Variants in TSBP1 observed in about 807,000 individuals in gnomAD.
TSBP1 encodes the protein testis expressed basic protein 1.
TSBP1 carries 56 observed loss-of-function variants against 68.8 expected under a neutral mutation model. That is an observed-to-expected ratio of 0.81 (90% CI 0.66 to 1.02). The LOEUF (loss-of-function observed/expected upper bound fraction) is 1.02. TSBP1 is among the 50% of genes least tolerant of loss of function. TSBP1 has a pLI of 0.00. For synonymous variants in TSBP1, 171 were observed against 208.7 expected (o/e 0.82, Z 1.56); for missense variants, 502 against 641.2 (o/e 0.78, Z 2.34).
intron 21 of TSBP1, 43 bp downstream of exon 24, chr6:32,300,637 T>G: frequency 6.3e-7 from 1 of 1,596,330 alleles, no homozygotes; most frequent in East Asian, 2.2e-5. Context: ...TTAAAGGTCC[T>G]AGGCACAGAA....
At chr6:32,299,428 T>A (rs1366902503) in intron 22 of TSBP1, among the ~76,000 whole-genome samples, 1 of 152,202 alleles carries the variant, frequency 6.6e-6, no homozygotes, top group Non-Finnish European at 1.5e-5. Context: ...TCAGAGGGAC[T>A]TCACCTATAA....
At position 32,359,878 on chromosome 6, in the gene TSBP1, AT is replaced by A. The variant is rs535519928; in HGVS notation, c.218-4210del. On this transcript the variant is annotated intron_variant, in intron 6 of 22. Transcript: ENST00000612031. ...TGAATTTCTCTTGACTACTCAGATTATTTTTTTCTTTTCTTTAGCTTTATTG... is the reference window on the plus strand; with the variant it reads ...TGAATTTCTCTTGACTACTCAGATTATTTTTTCTTTTCTTTAGCTTTATTG... Among the ~76,000 whole-genome samples the A allele has an allele frequency of 2.1e-3, 316 of 151,964 alleles. 2 individuals carry two copies. The highest frequency in any genetic ancestry group is 7.3e-3 in the African/African-American group (301 of 41,436).
chr6:32,327,225 G>T (rs1398500834), intron 16 of TSBP1, among the ~76,000 whole-genome samples: 3 of 152,240 alleles, frequency 2.0e-5, no homozygotes, highest in South Asian at 4.1e-4. Flanking sequence ...GAGAGGAAAA[G>T]TATGCCAGGC....
At chr6:32,312,726 T>G (rs1002873885) in intron 19 of TSBP1, among the ~76,000 whole-genome samples, 7 of 151,940 alleles carry the variant, frequency 4.6e-5, no homozygotes, top group Non-Finnish European at 8.8e-5. Flanking sequence ...TAACCCTTGG[T>G]GTCTTCTTTT....
intron 9 of TSBP1, among the ~76,000 whole-genome samples, chr6:32,341,225 C>T (rs114362906): frequency 0.039 from 5,949 of 152,200 alleles, 335 homozygotes; most frequent in African/African-American, 0.12. Context: ...TTACGATGTA[C>T]ATATCCTGCC....
intron 15 of TSBP1, among the ~76,000 whole-genome samples, 197 bp from the exon 17 acceptor site, chr6:32,330,806 G>T (rs1008814497): frequency 6.6e-6 from 1 of 151,604 alleles, no homozygotes; most frequent in East Asian, 1.9e-4. Context: ...GAGTAGCAGG[G>T]ATTACAGGTG....
At chr6:32,318,861 A>G (rs1190890874) in intron 18 of TSBP1, among the ~76,000 whole-genome samples, 1 of 152,222 alleles carries the variant, frequency 6.6e-6, no homozygotes, top group East Asian at 1.9e-4. Context: ...CCCAGTGAAT[A>G]TACTAAAAAG....
At position 32,365,306 on chromosome 6, in the gene TSBP1, C is replaced by T; in HGVS notation, c.217+861G>A. On this transcript the variant is annotated intron_variant, in intron 6 of 22. Coordinates refer to ENST00000612031, the Ensembl canonical transcript of TSBP1. This position sits in a 1 kb window ranked among gnomAD's most constrained non-coding sequence, Gnocchi z 4.3. ...TGCTCTGGAATTCTCAAGTTTGTGT[C>T]CTTTTTTCCAATCCCACAAAGTCAA... 2.2e-6 allele frequency: 1 copy of T among 456,992 alleles called. No homozygotes were observed. The highest frequency in any genetic ancestry group is 1.5e-5 in the South Asian group (1 of 64,562). The allele number at this position is 456,992 out of a possible 1,614,324, so 28.3% of individuals were successfully genotyped here.
At chr6:32,355,750 C>G in intron 6 of TSBP1, 81 bp from the exon 7 acceptor site, 1 of 1,479,680 alleles carries the variant, frequency 6.8e-7, no homozygotes, top group East Asian at 2.5e-5. Context: ...GAGGATTACC[C>G]AATCAACACC....
rs116486290 is a variant in TSBP1 at position 32,339,761 on chromosome 6, G to A, written c.350-123C>T. ...TGGTACAAACAGTCTTGAGGTTAAAGAGCTGAGTCCGACTTTTGCTATTCT... is the reference window on the plus strand; with the variant it reads ...TGGTACAAACAGTCTTGAGGTTAAAAAGCTGAGTCCGACTTTTGCTATTCT... On this transcript the variant is annotated intron_variant, in intron 9 of 22. Transcript: ENST00000612031. The A allele has an allele frequency of 9.6e-4, 489 of 510,814 alleles. 2 individuals carry two copies. The highest frequency in any genetic ancestry group is 7.8e-3 in the African/African-American group (412 of 52,562). 31.6% of individuals were successfully genotyped at this position (510,814 alleles called of 1,614,324 possible).
At chr6:32,301,958 AAATCATCATCATAATAAT>A (rs1300042767) in intron 20 of TSBP1, among the ~76,000 whole-genome samples, 1 of 127,376 alleles carries the variant, frequency 7.9e-6, no homozygotes, top group African/African-American at 3.3e-5. Context: ...TAAATAGTTG[AAATCATCATCATAATAAT>A]AATAATAATA....
At chr6:32,366,086 C>A (rs902364309) in intron 6 of TSBP1, 81 bp downstream of exon 6, 12 of 1,578,542 alleles carry the variant, frequency 7.6e-6, no homozygotes, top group Non-Finnish European at 1.0e-5. Flanking sequence ...AAATTTTGGT[C>A]AGTTTTTATA....
chr6:32,339,201 T>C (rs1264494460), intron 10 of TSBP1, among the ~76,000 whole-genome samples: 1 of 144,500 alleles, frequency 6.9e-6, no homozygotes, highest in Non-Finnish European at 1.5e-5. Context: ...TTCATTTTCA[T>C]TATCTTCCTG....
At chr6:32,322,601 G>T in intron 18 of TSBP1, 95 bp from the exon 20 acceptor site, 1 of 895,636 alleles carries the variant, frequency 1.1e-6, no homozygotes, top group South Asian at 1.4e-5. Flanking sequence ...GTGAGGGGAG[G>T]ACTTGGGTGG....
chr6:32,330,597 C>A (rs1161634251), exon 16 of TSBP1: 1 of 1,601,784 alleles, frequency 6.2e-7, no homozygotes, highest in South Asian at 1.1e-5. Context: ...ACCATTGGAT[C>A]CAGGATATTG....
rs1033895471 is a variant in TSBP1 at position 32,338,646 on chromosome 6, T to C, written c.409+333A>G. Among the ~76,000 whole-genome samples, 1 of 152,150 alleles carries C rather than the reference T, an allele frequency of 6.6e-6. No individual in the cohort carries two copies. ...ATGTCACTGAAATTTTCTTGGCGGG[T>C]CTTAAGTAGAATGGCCACCATCAAG... On this transcript the variant is annotated intron_variant, in intron 11 of 22. Transcript: ENST00000612031. This position sits in a 1 kb window ranked among gnomAD's most constrained non-coding sequence, Gnocchi z 5.5.
chr6:32,338,870 G>T lies in TSBP1; in HGVS notation c.409+109C>A. The T allele has an allele frequency of 1.1e-6, 1 of 906,832 alleles. No homozygotes were observed. Among genetic ancestry groups the T allele is most frequent in the Non-Finnish European group, 1.8e-6 (1 of 544,460 alleles). The allele number at this position is 906,832 out of a possible 1,614,324, so 56.2% of individuals were successfully genotyped here. ...GGGAATAAACAAGGGGAAAGGAATG[G>T]ACAATTTGTGAAAGAAATAAAAAAA... On this transcript the variant is annotated intron_variant, in intron 11 of 22. Coordinates refer to ENST00000612031, the Ensembl canonical transcript of TSBP1. This position sits in a 1 kb window ranked among gnomAD's most constrained non-coding sequence, Gnocchi z 5.5.
In TSBP1 at chr6:32,365,521, G is replaced by A. The variant is rs754844768; in HGVS notation, c.217+646C>T. On this transcript the variant is annotated intron_variant, in intron 6 of 22. Transcript: ENST00000612031. This position sits in a 1 kb window ranked among gnomAD's most constrained non-coding sequence, Gnocchi z 4.3. ...GTGGGTTCTGCAGTCTCTTTTCCCT[G>A]CTCCCAGCCTCTCCTAACCATTCAA... The A allele has an allele frequency of 2.0e-5, 9 of 456,496 alleles. No individual in the cohort carries two copies. The highest frequency in any genetic ancestry group is 3.5e-5 in the Non-Finnish European group (8 of 226,934). The allele number at this position is 456,496 out of a possible 1,614,324, so 28.3% of individuals were successfully genotyped here. A position where few individuals can be genotyped will look rare whatever the true frequency, so the allele number is the denominator to read the frequency against.
Position 32,336,781 on chromosome 6 carries a change from A to G in TSBP1, c.410-146T>C. On this transcript the variant is annotated intron_variant, in intron 11 of 22. Coordinates refer to ENST00000612031, the Ensembl canonical transcript of TSBP1. The surrounding 1 kb of genome is among the most constrained non-coding windows in gnomAD (Gnocchi z 5.2). Reference sequence around the variant, plus strand: ...CAGATGATCTTAGCCTGGAAGCTGCATAACCCTCCTACCAGATCAAATCAT... The same window carrying G: ...CAGATGATCTTAGCCTGGAAGCTGCGTAACCCTCCTACCAGATCAAATCAT... 1.5e-6 allele frequency: 1 copy of G among 660,096 alleles called. No homozygotes were observed. The highest frequency in any genetic ancestry group is 2.7e-6 in the Non-Finnish European group (1 of 369,888). The allele number at this position is 660,096 out of a possible 1,614,324, so 40.9% of individuals were successfully genotyped here. A position where few individuals can be genotyped will look rare whatever the true frequency, so the allele number is the denominator to read the frequency against.
Sources: allele counts gnomAD v4.1 joint callset (sites outside exome capture counted in the v4.1 genomes callset), GRCh38; gene constraint gnomAD v4.1.1; non-coding constraint Gnocchi (gnomAD v3.1); transcripts MANE v1.5; gene names NCBI Gene and HGNC (gene_info 2026-07-23, HGNC 2026-07-21).